LEKR1: variants seen among roughly 807,000 people sequenced by gnomAD.
The protein encoded by LEKR1 is protein LEKR1.
Under a neutral mutation model 72.4 loss-of-function variants are expected in LEKR1, and 59 were observed. The observed-to-expected ratio is 0.82, with a 90% CI of 0.66 to 1.01. The LOEUF (loss-of-function observed/expected upper bound fraction) is 1.01. Among genes scored for constraint, LEKR1 ranks in the 50% least tolerant of loss-of-function variants. The probability of loss-of-function intolerance (pLI) is 0.00; values close to 1 mark genes in which losing one functional copy is unlikely to be tolerated. For synonymous variants in LEKR1, 257 were observed against 263.2 expected, an observed-to-expected ratio of 0.98 and a Z score of 0.23; for missense variants, 728 against 759.2, an observed-to-expected ratio of 0.96 and a Z score of 0.48.
intron 12 of LEKR1, among the ~76,000 whole-genome samples, chr3:157,028,792 A>G (rs867830524): frequency 1.3e-5 from 2 of 152,146 alleles, no homozygotes; most frequent in Middle Eastern, 3.2e-3. Flanking sequence ...AAAAAATTAG[A>G]CTATGTCTTT....
In LEKR1 at chr3:156,834,551, C is replaced by G. The variant is rs145833966; in HGVS notation, c.48+5174C>G. Among the ~76,000 whole-genome samples the G allele has an allele frequency of 5.4e-3, 824 of 152,206 alleles. 5 individuals are homozygous for G. The highest frequency in any genetic ancestry group is 0.019 in the African/African-American group (797 of 41,530). ...TAGTCTCAATGTTAATATGTTAACT[C>G]TTAGTCACTTTTATTTCTGGTTAGG... On this transcript the variant is annotated intron_variant, in intron 2 of 12. Coordinates refer to ENST00000356539, the MANE Select transcript of LEKR1 (RefSeq NM_001004316.3).
intron 6 of LEKR1, among the ~76,000 whole-genome samples, chr3:156,968,034 A>C (rs970474618): frequency 1.3e-5 from 2 of 152,180 alleles, no homozygotes; most frequent in South Asian, 2.1e-4. Context: ...TAAGCTTCAT[A>C]AGTGAAGGAG....
chr3:156,863,288 G>A (rs556590030), intron 3 of LEKR1, among the ~76,000 whole-genome samples: 27 of 152,084 alleles, frequency 1.8e-4, no homozygotes, highest in East Asian at 1.9e-4. Context: ...TGGCCACCCC[G>A]TCTAATGCTG....
At chr3:156,998,718 A>T (rs1439810102) in intron 9 of LEKR1, among the ~76,000 whole-genome samples, 1 of 152,162 alleles carries the variant, frequency 6.6e-6, no homozygotes, top group Non-Finnish European at 1.5e-5. Context: ...GCAGTTTACT[A>T]AATTGTCCCC....
chr3:156,979,159 G>A (rs1039759240), intron 6 of LEKR1, 35 bp from the exon 7 acceptor site: 4 of 930,334 alleles, frequency 4.3e-6, no homozygotes, highest in South Asian at 1.4e-5. Flanking sequence ...CACTTAAAAT[G>A]TACTAATCAG....
chr3:156,953,654 T>C (rs1235065428), intron 6 of LEKR1, among the ~76,000 whole-genome samples: 2 of 151,978 alleles, frequency 1.3e-5, no homozygotes, highest in Non-Finnish European at 2.9e-5. Context: ...TTGCTAAGGA[T>C]AACAGCTTCC....
chr3:156,992,672 G>T lies in LEKR1; in HGVS notation c.847G>T (p.Asp283Tyr). The change falls in exon 8 of 13, where the codon GAT (aspartate) becomes TAT (tyrosine). Residue 283 changes from aspartate to tyrosine, a missense_variant. Transcript: ENST00000356539. Reference sequence around the variant, plus strand: ...TTTTAGGAATAAATCTAATGAAGCTGATGACTGTCAAAGAGAACTTAAAAA... The same window carrying T: ...TTTTAGGAATAAATCTAATGAAGCTTATGACTGTCAAAGAGAACTTAAAAA... ...EMLMNKSNEA[D>Y]DCQRELKKLK... The T allele has an allele frequency of 1.0e-6, 1 of 974,812 alleles. No homozygotes were observed. Among genetic ancestry groups the T allele is most frequent in the Non-Finnish European group, 1.3e-6 (1 of 766,364 alleles). The allele number at this position is 974,812 out of a possible 1,614,324, so 60.4% of individuals were successfully genotyped here.
At chr3:156,884,296 A>C (rs1468639021) in intron 3 of LEKR1, among the ~76,000 whole-genome samples, 5 of 151,918 alleles carry the variant, frequency 3.3e-5, no homozygotes, top group Non-Finnish European at 7.4e-5. Flanking sequence ...GATGTGAAGC[A>C]CTGTTCTATT....
At chr3:157,011,342 C>G in intron 9 of LEKR1, 71 bp from the exon 10 acceptor site, 1 of 1,023,128 alleles carries the variant, frequency 9.8e-7, no homozygotes. Context: ...TATCTCCCGA[C>G]CCAGGAACTA....
At chr3:157,018,312 A>T (rs757249796) in intron 10 of LEKR1, among the ~76,000 whole-genome samples, 9 of 152,192 alleles carry the variant, frequency 5.9e-5, no homozygotes, top group Non-Finnish European at 1.0e-4. Flanking sequence ...ATTGAACGAT[A>T]TTGTTAACAA....
chr3:156,836,434 A>G (rs901861551), intron 2 of LEKR1, among the ~76,000 whole-genome samples: 11 of 152,222 alleles, frequency 7.2e-5, no homozygotes, highest in African/African-American at 2.7e-4. Context: ...CAAAAAAAAC[A>G]AGATCCAAGA....
intron 12 of LEKR1, among the ~76,000 whole-genome samples, chr3:157,041,162 A>T (rs2108047544): frequency 6.6e-6 from 1 of 152,226 alleles, no homozygotes; most frequent in Admixed American, 6.5e-5. Context: ...TATTCTGAAA[A>T]TGTTGTAGTG....
chr3:156,901,004 T>G (rs1280556452), intron 3 of LEKR1, among the ~76,000 whole-genome samples: 1 of 152,170 alleles, frequency 6.6e-6, no homozygotes, highest in Non-Finnish European at 1.5e-5. Flanking sequence ...TTAAAATTTT[T>G]TAAAGAGATG....
chr3:156,959,783 T>C (rs769980118), intron 6 of LEKR1, among the ~76,000 whole-genome samples: 2 of 152,262 alleles, frequency 1.3e-5, no homozygotes, highest in African/African-American at 2.4e-5. Context: ...AATTTGTTAA[T>C]GTTTGCTGAA....
intron 1 of LEKR1, chr3:156,826,795 C>T (rs344071): frequency 0.68 from 104,933 of 155,220 alleles, 37,619 homozygotes; most frequent in East Asian, 0.93. Flanking sequence ...GATGTGAACT[C>T]CCGCCTTCAC....
chr3:156,894,008 C>T (rs1315850393), intron 3 of LEKR1, among the ~76,000 whole-genome samples: 1 of 152,156 alleles, frequency 6.6e-6, no homozygotes, highest in East Asian at 1.9e-4. Context: ...AGTGAAGGGT[C>T]AGGAGTTGGA....
chr3:156,974,016 G>T (rs1323329760), intron 6 of LEKR1, among the ~76,000 whole-genome samples: 1 of 151,972 alleles, frequency 6.6e-6, no homozygotes, highest in East Asian at 1.9e-4. Flanking sequence ...ACCTAATACC[G>T]CCCTGGAGAC....
intron 3 of LEKR1, among the ~76,000 whole-genome samples, chr3:156,859,288 G>C (rs1716466717): frequency 6.6e-6 from 1 of 152,076 alleles, no homozygotes; most frequent in African/African-American, 2.4e-5. Context: ...TAAGTTCATG[G>C]GGGTATATAA....
intron 2 of LEKR1, among the ~76,000 whole-genome samples, chr3:156,836,602 T>C (rs1210927333): frequency 4.6e-5 from 7 of 152,188 alleles, no homozygotes; most frequent in Admixed American, 4.6e-4. Context: ...TTTTAAGCTT[T>C]TTTCCCCCTC....
Sources: gnomAD v4.1 joint callset for allele counts (sites outside exome capture counted in the v4.1 genomes callset) on GRCh38, gnomAD v4.1.1 for gene constraint, MANE v1.5 for transcripts, NCBI Gene and HGNC (gene_info 2026-07-23, HGNC 2026-07-21) for gene names.